Variants in SLC6A18 observed in about 807,000 individuals in gnomAD.
SLC6A18 encodes the protein inactive sodium-dependent neutral amino acid transporter B(0)AT3.
In SLC6A18, 58 loss-of-function variants were observed where a neutral mutation model predicts 62.9. The observed-to-expected ratio is 0.92, with a 90% CI of 0.75 to 1.15. The LOEUF (loss-of-function observed/expected upper bound fraction) is 1.15, where lower values mean the gene tolerates loss of function less well. Among genes scored for constraint, SLC6A18 ranks in the 50% most tolerant of loss-of-function variants. The pLI is 0.00. For missense variants in SLC6A18, 793 were observed against 836.6 expected, an observed-to-expected ratio of 0.95 and a Z score of 0.64; for synonymous variants, 382 against 365.8, an observed-to-expected ratio of 1.04 and a Z score of -0.51.
intron 2 of SLC6A18, among the ~76,000 whole-genome samples, 195 bp from the exon 3 acceptor site, chr5:1,232,556 T>C (rs1423036379): frequency 6.6e-6 from 1 of 152,212 alleles, no homozygotes; most frequent in East Asian, 1.9e-4. Flanking sequence ...GGAGAACATG[T>C]GTGCCAGGAC....
At chr5:1,232,162 C>T (rs1746745385) in intron 1 of SLC6A18, 57 bp from the exon 2 acceptor site, 10 of 1,547,810 alleles carry the variant, frequency 6.5e-6, no homozygotes, top group Non-Finnish European at 8.8e-6. Flanking sequence ...CTGGCCCACG[C>T]CACAGTCCCC....
intron 9 of SLC6A18, 37 bp from the exon 10 acceptor site, chr5:1,244,177 T>TTCCCCCCCCACCCCCTTC: frequency 2.6e-6 from 1 of 387,124 alleles, no homozygotes; most frequent in Middle Eastern, 8.4e-4. Flanking sequence ...CCACTCCCCA[T>TTCCCCCCCCACCCCCTTC]CCCCTTACCC....
intron 1 of SLC6A18, among the ~76,000 whole-genome samples, 188 bp from the exon 2 acceptor site, chr5:1,232,031 G>A (rs932799684): frequency 2.0e-5 from 3 of 152,188 alleles, no homozygotes; most frequent in Non-Finnish European, 4.4e-5. Context: ...CTCAGCAACC[G>A]AGCCAAAATC....
At position 1,244,362 on chromosome 5, in the gene SLC6A18, T is replaced by C. The variant is rs1260771830; in HGVS notation, c.1485T>C (p.Tyr495=). Residue 495 remains tyrosine (Y), a synonymous_variant, in exon 10 of 12, where the codon TAT becomes TAC. Transcript: ENST00000324642. ...AGGTTGTGGGTGTCGTTTATGTTTATGGAATGAAACGGTGAGCTGCCGCCC... is the reference window on the plus strand; with the variant it reads ...AGGTTGTGGGTGTCGTTTATGTTTACGGAATGAAACGGTGAGCTGCCGCCC... ...FLEVVGVVYV[Y]GMKRFCDDIA... 2.5e-6 allele frequency: 4 copies of C among 1,614,006 alleles called. No individual in the cohort carries two copies. Among genetic ancestry groups the C allele is most frequent in the Non-Finnish European group, 3.4e-6 (4 of 1,180,006 alleles).
chr5:1,233,780 C>G (rs998183826), intron 3 of SLC6A18, among the ~76,000 whole-genome samples: 4 of 141,364 alleles, frequency 2.8e-5, no homozygotes, highest in Non-Finnish European at 6.1e-5. Flanking sequence ...CTTGCTCTGT[C>G]GCCCAGGCTG....
intron 1 of SLC6A18, among the ~76,000 whole-genome samples, chr5:1,229,793 G>A (rs763543327): frequency 6.7e-6 from 1 of 149,034 alleles, no homozygotes; most frequent in African/African-American, 2.5e-5. Flanking sequence ...GTGGGGGGAA[G>A]TGATGTTTTC....
At position 1,245,901 on chromosome 5, in the gene SLC6A18, C is replaced by T; in HGVS notation, c.1710C>T (p.Ala570=). The T allele has an allele frequency of 6.2e-7, 1 of 1,607,708 alleles. No individual in the cohort carries two copies. Among genetic ancestry groups the T allele is most frequent in the Non-Finnish European group, 8.5e-7 (1 of 1,179,426 alleles). ...TCTACCCGGGCTGGGCGCGCGCCGC[C>T]TGTGTGCTGCTGTCCTTGCTGCCCG... ...EKLYPGWARA[A]CVLLSLLPVL... The change falls in exon 12 of 12, where the codon GCC becomes GCT. Residue 570 remains alanine (A), a synonymous_variant. Coordinates refer to ENST00000324642, the MANE Select transcript of SLC6A18 (RefSeq NM_182632.3).
intron 4 of SLC6A18, among the ~76,000 whole-genome samples, chr5:1,237,484 CAGAAGGGCT>C (rs1382339193): frequency 6.6e-6 from 1 of 152,016 alleles, no homozygotes; most frequent in Non-Finnish European, 1.5e-5. Flanking sequence ...TCTGGCCACA[CAGAAGGGCT>C]GAGAACTCGA....
At position 1,245,884 on chromosome 5, in the gene SLC6A18, G is replaced by A; in HGVS notation, c.1693G>A (p.Gly565Ser). The change falls in exon 12 of 12, where the codon GGC becomes AGC. Residue 565 changes from glycine to serine, a missense_variant. Coordinates refer to ENST00000324642, the MANE Select transcript of SLC6A18 (RefSeq NM_182632.3). ...CTCGCGTCAGGAGAAGCTCTACCCGGGCTGGGCGCGCGCCGCCTGTGTGCT... is the reference window on the plus strand; with the variant it reads ...CTCGCGTCAGGAGAAGCTCTACCCGAGCTGGGCGCGCGCCGCCTGTGTGCT... ...FPSRQEKLYP[G>S]WARAACVLLS... is the part of the protein sequence containing the mutation. 2 of 1,608,320 alleles carry A rather than the reference G, an allele frequency of 1.2e-6. No individual in the cohort carries two copies. The highest frequency in any genetic ancestry group is 8.5e-7 in the Non-Finnish European group (1 of 1,179,194).
chr5:1,246,114 TG>T lies in SLC6A18; in HGVS notation c.*43del, dbSNP rs755077850. 3.4e-5 allele frequency: 50 copies of T among 1,473,604 alleles called. No homozygotes were observed. The South Asian group carries it at 3.4e-4, about 10-fold the overall frequency. 91.3% of individuals were successfully genotyped at this position (1,473,604 alleles called of 1,614,324 possible). A position where few individuals can be genotyped will look rare whatever the true frequency, so the allele number is the denominator to read the frequency against. On this transcript the variant is annotated 3_prime_UTR_variant, in exon 12 of 12. Coordinates refer to ENST00000324642, the MANE Select transcript of SLC6A18 (RefSeq NM_182632.3). ...AGCGGGGCCTGCATGGGCGGGTCTG[TG>T]GGGGGGCTTGGCCTGATGGTGGGCG...
intron 3 of SLC6A18, among the ~76,000 whole-genome samples, chr5:1,233,244 G>A (rs558081643): frequency 3.9e-5 from 6 of 152,306 alleles, no homozygotes; most frequent in Non-Finnish European, 7.4e-5. Flanking sequence ...TAGGGAGGCC[G>A]AGGTGGGCAG....
chr5:1,234,002 A>G (rs1242147537), intron 3 of SLC6A18, among the ~76,000 whole-genome samples: 1 of 152,028 alleles, frequency 6.6e-6, no homozygotes, highest in Non-Finnish European at 1.5e-5. Context: ...CGGCCTCCCA[A>G]AGTGCTGGGA....
At chr5:1,231,494 G>T (rs112563715) in intron 1 of SLC6A18, among the ~76,000 whole-genome samples, 9 of 152,234 alleles carry the variant, frequency 5.9e-5, no homozygotes, top group African/African-American at 2.2e-4. Context: ...CAGTTCCCAG[G>T]AGAGACCGCC....
intron 5 of SLC6A18, among the ~76,000 whole-genome samples, chr5:1,238,264 T>A (rs866476448): frequency 0.014 from 832 of 58,252 alleles, 28 homozygotes; most frequent in South Asian, 0.024. Flanking sequence ...GGAGTGAGCC[T>A]GGGGCCTCAG....
chr5:1,240,491 C>T, intron 6 of SLC6A18, 40 bp from the exon 7 acceptor site: 2 of 1,611,146 alleles, frequency 1.2e-6, no homozygotes, highest in Non-Finnish European at 8.5e-7. Context: ...GGCCCAGTTA[C>T]CTCCTGCAAA....
chr5:1,244,826 C>T lies in SLC6A18; in HGVS notation c.1656+59C>T, dbSNP rs903908414. ...GGGACCCCTCGGGCTTGGTCTGGCC[C>T]CTACGGTGCCATCCGGTGCCCGACG... On this transcript the variant is annotated intron_variant, in intron 11 of 11. Coordinates refer to ENST00000324642, the MANE Select transcript of SLC6A18 (RefSeq NM_182632.3). 18 of 1,527,674 alleles carry T rather than the reference C, an allele frequency of 1.2e-5. No individual in the cohort carries two copies. The African/African-American group carries it at 2.5e-4, about 21-fold the overall frequency. The allele number at this position is 1,527,674 out of a possible 1,614,324, so 94.6% of individuals were successfully genotyped here.
rs1359279000 is a variant in SLC6A18 at position 1,235,665 on chromosome 5, G to T, written c.621+3G>T. 6 of 1,613,600 alleles carry T rather than the reference G, an allele frequency of 3.7e-6. No individual in the cohort carries two copies. Among genetic ancestry groups the T allele is most frequent in the Non-Finnish European group, 5.1e-6 (6 of 1,179,868 alleles). On this transcript the variant is annotated splice_donor_region_variant and intron_variant, in intron 4 of 11. Coordinates refer to ENST00000324642, the MANE Select transcript of SLC6A18 (RefSeq NM_182632.3). ...GGGGCATTGAGACTACAGGGAAGGT[G>T]AGAGCTGGCAGGGCCTGATCCCCTC...
At chr5:1,245,801 A>G in intron 11 of SLC6A18, 47 bp from the exon 12 acceptor site, 2 of 1,549,308 alleles carry the variant, frequency 1.3e-6, no homozygotes, top group Non-Finnish European at 1.7e-6. Context: ...GGTCAGCCTC[A>G]CGGCCCAGGG....
intron 1 of SLC6A18, among the ~76,000 whole-genome samples, chr5:1,227,081 CGCCG>C (rs1275740559): frequency 9.7e-6 from 1 of 102,820 alleles, no homozygotes; most frequent in African/African-American, 3.2e-5. Flanking sequence ...ACCCCTTGCC[CGCCG>C]ACGCCTTGCC....
Sources: allele counts gnomAD v4.1 joint callset (sites outside exome capture counted in the v4.1 genomes callset), GRCh38; gene constraint gnomAD v4.1.1; transcripts MANE v1.5; gene names NCBI Gene and HGNC (gene_info 2026-07-23, HGNC 2026-07-21).